The following PRELID2 variants were observed in gnomAD, a reference collection of about 807,000 sequenced individuals.
PRELID2 encodes the protein PRELI domain-containing protein 2.
Under a neutral mutation model 28.4 loss-of-function variants are expected in PRELID2, and 25 were observed. The observed-to-expected ratio is 0.88, with a 90% CI of 0.64 to 1.23. The LOEUF is 1.23. Among genes scored for constraint, PRELID2 ranks in the 50% most tolerant of loss-of-function variants. The pLI, the probability that PRELID2 is intolerant of heterozygous loss-of-function variation, is 0.00. For missense variants in PRELID2, 201 were observed against 214.4 expected, an observed-to-expected ratio of 0.94 and a Z score of 0.39; for synonymous variants, 76 against 71.6, an observed-to-expected ratio of 1.06 and a Z score of -0.31.
At chr5:145,408,612 A>C in the PRELID2 span, among the ~76,000 whole-genome samples, 1 of 151,696 alleles carries the variant, frequency 6.6e-6, no homozygotes, top group African/African-American at 2.4e-5. Flanking sequence ...AAGTGGAAGA[A>C]AGAGATTCAG....
rs537194318 is a variant in PRELID2 at position 145,787,810 on chromosome 5, G to C, written c.474+8632C>G. Among the ~76,000 whole-genome samples, 10 of 152,146 alleles carry C rather than the reference G, an allele frequency of 6.6e-5. No individual in the cohort carries two copies. In the South Asian group the frequency reaches 1.5e-3, roughly 22 times the overall value. On this transcript the variant is annotated intron_variant, in intron 5 of 6. Coordinates refer to ENST00000683046, the MANE Select transcript of PRELID2 (RefSeq NM_205846.3). The stretch of plus-strand genomic sequence containing the variant: ...CCCACTTCAGCGTCCCAAAGTGCTG[G>C]GATTCCAGGCATGAGCCACCACACC...
downstream of PRELID2, among the ~76,000 whole-genome samples, chr5:145,756,198 G>A (rs1479355040): frequency 6.6e-6 from 1 of 152,146 alleles, no homozygotes; most frequent in East Asian, 1.9e-4. Context: ...TCACCTTGAG[G>A]GAAGGCAGGG....
At chr5:145,752,382 A>T (rs1757146373), downstream of PRELID2, among the ~76,000 whole-genome samples, 1 of 152,326 alleles carries the variant, frequency 6.6e-6, no homozygotes, top group East Asian at 1.9e-4. Flanking sequence ...GTTTAATGCA[A>T]TCGGAAACCA....
chr5:145,587,042 A>C (rs1206016433), intron 1 of PRELID2, among the ~76,000 whole-genome samples: 2 of 152,136 alleles, frequency 1.3e-5, no homozygotes, highest in Non-Finnish European at 2.9e-5. Flanking sequence ...CCAAGAGTCT[A>C]TCTGGCCTGC....
chr5:145,644,422 G>A (rs1411687418), intron 1 of PRELID2, among the ~76,000 whole-genome samples: 3 of 150,978 alleles, frequency 2.0e-5, no homozygotes, highest in Admixed American at 6.6e-5. Flanking sequence ...TATTAGTCTG[G>A]CTAGCAGTTT....
At chr5:145,369,118 C>A in the PRELID2 span, among the ~76,000 whole-genome samples, 1 of 151,812 alleles carries the variant, frequency 6.6e-6, no homozygotes, top group Non-Finnish European at 1.5e-5. Flanking sequence ...CATTTAGCTC[C>A]ATCCATATTC....
chr5:145,790,721 G>GTGTGTGTGTGTGTGTA lies in PRELID2; in HGVS notation c.474+5720_474+5721insTACACACACACACACA, dbSNP rs772901344. 1.4e-3 allele frequency among the ~76,000 whole-genome samples: 160 copies of GTGTGTGTGTGTGTGTA among 110,902 alleles called. 1 individual carries two copies. Among genetic ancestry groups the GTGTGTGTGTGTGTGTA allele is most frequent in the Non-Finnish European group, 1.8e-3 (98 of 53,250 alleles). 72.8% of individuals were successfully genotyped at this position (110,902 alleles called of 152,430 possible). On this transcript the variant is annotated intron_variant, in intron 5 of 6. Transcript: ENST00000683046. The stretch of plus-strand genomic sequence containing the variant: ...CCACATTGTGTGTGTGTGTGTGTGT[G>GTGTGTGTGTGTGTGTA]TATATATATATATATATATATATAT...
the PRELID2 span, among the ~76,000 whole-genome samples, chr5:145,410,483 A>G: frequency 6.6e-6 from 1 of 152,196 alleles, no homozygotes; most frequent in Non-Finnish European, 1.5e-5. Context: ...AAAAACGTTT[A>G]ATTGACTTAC....
At chr5:145,618,510 T>G (rs1310456945) in intron 1 of PRELID2, among the ~76,000 whole-genome samples, 5 of 152,326 alleles carry the variant, frequency 3.3e-5, no homozygotes, top group African/African-American at 1.2e-4. Flanking sequence ...GGGGCTTATC[T>G]GCACAGAGTC....
chr5:145,690,864 T>C (rs1223024606), intron 1 of PRELID2, among the ~76,000 whole-genome samples: 3 of 151,896 alleles, frequency 2.0e-5, no homozygotes, highest in Admixed American at 6.6e-5. Context: ...CTTCACGCAA[T>C]AGGAAATAAC....
intron 1 of PRELID2, among the ~76,000 whole-genome samples, chr5:145,710,220 ATATGT>A (rs1755656936): frequency 6.6e-6 from 1 of 152,130 alleles, no homozygotes; most frequent in Non-Finnish European, 1.5e-5. Flanking sequence ...ATATACATAA[ATATGT>A]TATATATATG....
chr5:145,708,598 G>T (rs1430786625), intron 1 of PRELID2, among the ~76,000 whole-genome samples: 2 of 152,064 alleles, frequency 1.3e-5, no homozygotes, highest in African/African-American at 4.8e-5. Flanking sequence ...AAATTAAACA[G>T]AAAATTTTTT....
chr5:145,337,417 T>C, the PRELID2 span, among the ~76,000 whole-genome samples: 1 of 151,576 alleles, frequency 6.6e-6, no homozygotes, highest in Non-Finnish European at 1.5e-5. Context: ...ATTCTGACAC[T>C]ATCTACCTCA....
At chr5:145,298,825 A>G in the PRELID2 span, among the ~76,000 whole-genome samples, 1 of 152,198 alleles carries the variant, frequency 6.6e-6, no homozygotes, top group Non-Finnish European at 1.5e-5. Context: ...TTAAAGTTAT[A>G]TATTTTACAA....
At chr5:145,317,836 C>G in the PRELID2 span, among the ~76,000 whole-genome samples, 2 of 152,158 alleles carry the variant, frequency 1.3e-5, no homozygotes, top group East Asian at 3.9e-4. Flanking sequence ...CTTTAGGTAA[C>G]CTCACTGTGA....
the PRELID2 span, among the ~76,000 whole-genome samples, chr5:145,313,436 A>C: frequency 1.3e-5 from 2 of 152,212 alleles, no homozygotes; most frequent in Non-Finnish European, 2.9e-5. Flanking sequence ...AATTGGTAGT[A>C]TCAGAGGATT....
rs201104365 is a variant in PRELID2, at chr5:145,592,419, CA to C, written n.71-119105del. 9.7e-3 allele frequency among the ~76,000 whole-genome samples: 1,432 copies of C among 146,910 alleles called. 30 individuals are homozygous for C. Among genetic ancestry groups the C allele is most frequent in the African/African-American group, 0.033 (1,339 of 39,984 alleles). On this transcript the variant is annotated intron_variant and non_coding_transcript_variant, in intron 1 of 2. Transcript: ENST00000510259. ...TGGGCAACAGAGCGAGACTCTGTCT[CA>C]AAAAAAAAATTGTATATATGTATAT...
chr5:145,643,784 T>C (rs942923992), intron 1 of PRELID2, among the ~76,000 whole-genome samples: 129 of 152,354 alleles, frequency 8.5e-4, no homozygotes, highest in African/African-American at 3.0e-3. Flanking sequence ...GTGGTTTTTG[T>C]CATTGGTTCT....
chr5:145,422,698 G>A, the PRELID2 span, among the ~76,000 whole-genome samples: 5 of 152,072 alleles, frequency 3.3e-5, no homozygotes, highest in Non-Finnish European at 7.3e-5. Flanking sequence ...CAATTTGCCA[G>A]TGTGTGTCTT....
Sources: allele counts gnomAD v4.1 joint callset (sites outside exome capture counted in the v4.1 genomes callset), GRCh38; gene constraint gnomAD v4.1.1; transcripts MANE v1.5; gene names NCBI Gene and HGNC (gene_info 2026-07-23, HGNC 2026-07-21).